Variants in SOCS5 observed in about 807,000 individuals in gnomAD.
SOCS5 encodes suppressor of cytokine signaling 5.
A neutral mutation model predicts 42.8 loss-of-function variants in SOCS5; 32 were observed. That is an observed-to-expected ratio of 0.75 (90% confidence interval 0.56 to 1.01). The LOEUF is 1.01. Ranked by LOEUF, SOCS5 falls within the 50% of genes least tolerant of loss-of-function variation. The pLI is 0.00. For missense variants in SOCS5, 627 were observed against 653.0 expected, an observed-to-expected ratio of 0.96 and a Z score of 0.43; for synonymous variants, 283 against 229.6, an observed-to-expected ratio of 1.23 and a Z score of -2.10.
intron 1 of SOCS5, among the ~76,000 whole-genome samples, chr2:46,719,604 T>A (rs991136818): frequency 6.6e-6 from 1 of 152,212 alleles, no homozygotes; most frequent in South Asian, 2.1e-4. Context: ...AGTAAAATAT[T>A]ATGTTTGACG....
At chr2:46,700,126 T>A (rs1672308413) in intron 1 of SOCS5, among the ~76,000 whole-genome samples, 1 of 151,946 alleles carries the variant, frequency 6.6e-6, no homozygotes, top group Non-Finnish European at 1.5e-5. Context: ...GCGGAGTGAT[T>A]TTTGTGGAGA....
intron 1 of SOCS5, among the ~76,000 whole-genome samples, chr2:46,756,394 G>A (rs750474623): frequency 6.6e-5 from 10 of 152,102 alleles, no homozygotes; most frequent in Admixed American, 2.6e-4. Context: ...GACTACATGT[G>A]GTCTCTGTCA....
chr2:46,759,070 G>C lies in SOCS5; in HGVS notation c.540G>C (p.Arg180Ser), dbSNP rs767602215. Reference protein sequence around the residue: ...RTVGSRSLRQRLQDTVGLCFP... With the variant: ...RTVGSRSLRQSLQDTVGLCFP... ...TAGGAAGTCGCTCTCTAAGACAGAG[G>C]TTGCAGGATACTGTGGGCTTGTGTT... Residue 180 changes from arginine (R) to serine (S), a missense_variant, in exon 2 of 2, where the codon AGG (arginine) becomes AGC (serine). Coordinates refer to ENST00000394861, the MANE Select transcript of SOCS5 (RefSeq NM_144949.3). 19 of 1,613,878 alleles carry C rather than the reference G, an allele frequency of 1.2e-5. No homozygotes were observed. The highest frequency in any genetic ancestry group is 1.4e-5 in the Non-Finnish European group (17 of 1,179,862).
At chr2:46,734,904 G>A (rs554486722) in intron 1 of SOCS5, among the ~76,000 whole-genome samples, 51 of 152,200 alleles carry the variant, frequency 3.4e-4, no homozygotes, top group African/African-American at 1.1e-3. Context: ...GACATCATCC[G>A]CCCCATACAT....
chr2:46,708,174 A>T (rs1672538565), intron 1 of SOCS5, among the ~76,000 whole-genome samples: 1 of 152,182 alleles, frequency 6.6e-6, no homozygotes, highest in Non-Finnish European at 1.5e-5. Flanking sequence ...GAGACTAATT[A>T]TATGATGGTC....
Position 46,759,956 on chromosome 2 carries a change from CTAAATAGGACTTTCCCTT to C in SOCS5, c.1428_1445del (p.Asn477_Phe482del). ...TTTTGAACCATTGCTTACTATATCA[CTAAATAGGACTTTCCCTT>C]TTAGCCTGCAGTATATCTGTCGCGC... On this transcript the variant is annotated inframe_deletion, in exon 2 of 2. Coordinates refer to ENST00000394861, the MANE Select transcript of SOCS5 (RefSeq NM_144949.3). 1 of 1,614,142 alleles carries C rather than the reference CTAAATAGGACTTTCCCTT, an allele frequency of 6.2e-7. No homozygotes were observed. The highest frequency in any genetic ancestry group is 8.5e-7 in the Non-Finnish European group (1 of 1,180,000).
intron 1 of SOCS5, among the ~76,000 whole-genome samples, chr2:46,712,879 T>C (rs1247703233): frequency 6.6e-6 from 1 of 152,180 alleles, no homozygotes; most frequent in Non-Finnish European, 1.5e-5. Context: ...TTTTTGTTTG[T>C]TTTGGTATCA....
intron 1 of SOCS5, among the ~76,000 whole-genome samples, chr2:46,716,109 C>A (rs947077228): frequency 9.3e-5 from 10 of 108,028 alleles, no homozygotes; most frequent in African/African-American, 4.4e-4. Context: ...CAGACACCCC[C>A]CCTTTTTTTT....
chr2:46,724,648 CATCACTAAAT>C, intron 1 of SOCS5, among the ~76,000 whole-genome samples: 1 of 151,936 alleles, frequency 6.6e-6, no homozygotes, highest in East Asian at 1.9e-4. Flanking sequence ...CTTATAAGTA[CATCACTAAAT>C]ATCTAGATTT....
chr2:46,722,153 A>G (rs193182799), intron 1 of SOCS5, among the ~76,000 whole-genome samples: 17 of 152,202 alleles, frequency 1.1e-4, no homozygotes, highest in Admixed American at 7.2e-4. Context: ...TTAAGTGTTA[A>G]TAGCCTCTAT....
chr2:46,718,876 G>A (rs1339110715), intron 1 of SOCS5, among the ~76,000 whole-genome samples: 1 of 152,142 alleles, frequency 6.6e-6, no homozygotes, highest in Non-Finnish European at 1.5e-5. Context: ...TTTCTAAATG[G>A]CAGTTTGGCA....
intron 1 of SOCS5, among the ~76,000 whole-genome samples, chr2:46,745,767 T>G (rs10196768): frequency 0.086 from 13,071 of 152,206 alleles, 679 homozygotes; most frequent in Middle Eastern, 0.24. Context: ...CGATTGTTTA[T>G]TTACCTTTTT....
rs182528327 is a variant in SOCS5 at position 46,712,585 on chromosome 2, G to A, written c.-13+13136G>A. ...TCTCGAATTCCTGACCTCGTGATCC[G>A]CCTGCCTCGGCCTCCCAAAGTGCTG... On this transcript the variant is annotated intron_variant, in intron 1 of 1. Transcript: ENST00000394861. Among the ~76,000 whole-genome samples, 1,151 of 152,052 alleles carry A rather than the reference G, an allele frequency of 7.6e-3. 18 individuals are homozygous for A. The highest frequency in any genetic ancestry group is 0.044 in the South Asian group (211 of 4,822).
At chr2:46,717,778 A>T (rs147896081) in intron 1 of SOCS5, among the ~76,000 whole-genome samples, 1 of 152,186 alleles carries the variant, frequency 6.6e-6, no homozygotes, top group African/African-American at 2.4e-5. Context: ...GGGGTATTCA[A>T]CAAGGTCTTT....
At chr2:46,726,241 C>T (rs1350757454) in intron 1 of SOCS5, among the ~76,000 whole-genome samples, 2 of 152,034 alleles carry the variant, frequency 1.3e-5, no homozygotes, top group African/African-American at 4.8e-5. Context: ...GGATTACAGG[C>T]GTGCACCACC....
intron 1 of SOCS5, among the ~76,000 whole-genome samples, chr2:46,738,939 G>A (rs545579648): frequency 6.6e-6 from 1 of 152,220 alleles, no homozygotes; most frequent in South Asian, 2.1e-4. Flanking sequence ...GATTCTTTAA[G>A]GAACATCTTG....
intron 1 of SOCS5, among the ~76,000 whole-genome samples, chr2:46,722,076 C>T (rs532355636): frequency 3.1e-4 from 47 of 151,782 alleles, no homozygotes; most frequent in Non-Finnish European, 5.7e-4. Flanking sequence ...ATTGTATATA[C>T]TCTGTTTGCT....
rs1415360556 is a variant in SOCS5 at position 46,760,102 on chromosome 2, A to G, written c.1572A>G (p.Arg524=). 3.1e-6 allele frequency: 5 copies of G among 1,613,882 alleles called. No individual in the cohort carries two copies. The highest frequency in any genetic ancestry group is 4.2e-6 in the Non-Finnish European group (5 of 1,179,906). Residue 524 remains arginine, a synonymous_variant, in exon 2 of 2, where the codon AGA becomes AGG. Coordinates refer to ENST00000394861, the MANE Select transcript of SOCS5 (RefSeq NM_144949.3). Reference sequence around the variant, plus strand: ...AGTATCATTATAAACAAAAAGTTAGAGTTCGCTGGTTGGAACGAGAACCAG... The same window carrying G: ...AGTATCATTATAAACAAAAAGTTAGGGTTCGCTGGTTGGAACGAGAACCAG... ...LKEYHYKQKV[R]VRWLEREPVK...
intron 1 of SOCS5, among the ~76,000 whole-genome samples, chr2:46,747,134 G>A (rs1358234176): frequency 6.6e-6 from 1 of 151,844 alleles, no homozygotes; most frequent in Non-Finnish European, 1.5e-5. Flanking sequence ...ATTTCTTCTT[G>A]AGTCAGTTTT....
Sources: gnomAD v4.1 joint callset for allele counts (sites outside exome capture counted in the v4.1 genomes callset) on GRCh38, gnomAD v4.1.1 for gene constraint, MANE v1.5 for transcripts, NCBI Gene and HGNC (gene_info 2026-07-23, HGNC 2026-07-21) for gene names.